Variants in STON2 observed in about 807,000 individuals in gnomAD.
STON2 encodes stonin-2.
In STON2, 29 loss-of-function variants were observed where a neutral mutation model predicts 65.7. That is an observed-to-expected ratio of 0.44 (90% CI 0.33 to 0.60). The LOEUF is 0.60. Ranked by LOEUF, STON2 falls within the 20% of genes least tolerant of loss-of-function variation. The pLI is 0.03. For synonymous variants in STON2, 404 were observed against 414.2 expected (o/e 0.98, Z 0.30); for missense variants, 1,054 against 1,118.1 (o/e 0.94, Z 0.82).
chr14:81,399,844 T>A (rs1485502021), intron 1 of STON2, among the ~76,000 whole-genome samples: 3 of 151,952 alleles, frequency 2.0e-5, no homozygotes, highest in Non-Finnish European at 4.4e-5. Flanking sequence ...AGTGGAAGAG[T>A]TTACAAATCT....
intron 2 of STON2, among the ~76,000 whole-genome samples, chr14:81,407,357 G>T (rs1016780679): frequency 1.3e-5 from 2 of 152,090 alleles, no homozygotes; most frequent in African/African-American, 4.8e-5. Context: ...TAAAAGGAAG[G>T]TTTCACTCAG....
intron 5 of STON2, among the ~76,000 whole-genome samples, chr14:81,286,694 T>G (rs1895346402): frequency 6.6e-6 from 1 of 152,244 alleles, no homozygotes; most frequent in Non-Finnish European, 1.5e-5. Flanking sequence ...TACTTAAAAC[T>G]GTACAACCAG....
intron 4 of STON2, among the ~76,000 whole-genome samples, chr14:81,349,568 G>A (rs1897946128): frequency 6.6e-6 from 1 of 151,950 alleles, no homozygotes; most frequent in South Asian, 2.1e-4. Flanking sequence ...GATACTATCA[G>A]GAATACAAAA....
intron 4 of STON2, among the ~76,000 whole-genome samples, chr14:81,340,079 G>C (rs550456336): frequency 3.3e-5 from 5 of 152,160 alleles, no homozygotes; most frequent in African/African-American, 1.2e-4. Flanking sequence ...GCATAAACCC[G>C]GGGGATGGAG....
chr14:81,285,444 G>A (rs910751083), intron 5 of STON2, among the ~76,000 whole-genome samples: 1 of 152,212 alleles, frequency 6.6e-6, no homozygotes, highest in South Asian at 2.1e-4. Flanking sequence ...CTGAAGATAT[G>A]ACTGAATTGC....
intron 5 of STON2, 120 bp from the exon 6 acceptor site, chr14:81,278,859 G>T: frequency 1.3e-6 from 1 of 753,674 alleles, no homozygotes; most frequent in Non-Finnish European, 2.0e-6. Context: ...TTCCAAAGCA[G>T]CTCATTATCT....
At chr14:81,408,865 AG>A in intron 2 of STON2, among the ~76,000 whole-genome samples, 1 of 152,370 alleles carries the variant, frequency 6.6e-6, no homozygotes, top group Non-Finnish European at 1.5e-5. Context: ...TGGCTCTGGT[AG>A]GAGGTCAGGC....
chr14:81,340,189 C>T (rs1897547970), intron 4 of STON2, among the ~76,000 whole-genome samples: 1 of 152,036 alleles, frequency 6.6e-6, no homozygotes, highest in African/African-American at 2.4e-5. Context: ...TAAAAGAAGC[C>T]AGGCAAATTA....
intron 5 of STON2, among the ~76,000 whole-genome samples, chr14:81,305,466 T>G (rs6574640): frequency 0.79 from 119,720 of 152,064 alleles, 47,271 homozygotes; most frequent in African/African-American, 0.8. Flanking sequence ...ACACTGAAGG[T>G]GTATACCTTT....
At chr14:81,333,841 A>T (rs1468570766) in intron 4 of STON2, among the ~76,000 whole-genome samples, 1 of 152,250 alleles carries the variant, frequency 6.6e-6, no homozygotes, top group East Asian at 1.9e-4. Flanking sequence ...TTAGTGTGCC[A>T]TTTAAGAAGC....
intron 4 of STON2, among the ~76,000 whole-genome samples, chr14:81,342,500 A>G (rs934696596): frequency 3.9e-5 from 6 of 152,158 alleles, no homozygotes; most frequent in Non-Finnish European, 8.8e-5. Context: ...GTGCAGGGCA[A>G]GGTAGCCCCT....
intron 3 of STON2, among the ~76,000 whole-genome samples, chr14:81,390,223 CAGAA>C (rs1900014955): frequency 6.7e-6 from 1 of 149,374 alleles, no homozygotes; most frequent in Admixed American, 6.7e-5. Context: ...AACTTAAAAA[CAGAA>C]AGACAAGTAG....
chr14:81,331,351 T>A (rs1226676746), intron 4 of STON2, among the ~76,000 whole-genome samples: 1 of 152,204 alleles, frequency 6.6e-6, no homozygotes, highest in Non-Finnish European at 1.5e-5. Flanking sequence ...ATTTGCTCTT[T>A]TAATTATTCC....
rs760079650 is a variant in STON2, at chr14:81,270,629, A to G, written c.2784+41T>C. On this transcript the variant is annotated intron_variant, in intron 7 of 7. Transcript: ENST00000614646. ...GAGGGGGAGGGTAGTGGGGTGAACAAATGGAGTTGGAAGCATTAGCCAGAT... is the reference window on the plus strand; with the variant it reads ...GAGGGGGAGGGTAGTGGGGTGAACAGATGGAGTTGGAAGCATTAGCCAGAT... 1.9e-6 allele frequency: 3 copies of G among 1,614,118 alleles called. No individual in the cohort carries two copies. In the South Asian group the frequency reaches 3.3e-5, roughly 18 times the overall value.
intron 7 of STON2, chr14:81,269,839 C>T (rs1350152627): frequency 1.0e-6 from 1 of 985,264 alleles, no homozygotes; most frequent in African/African-American, 1.7e-5. Flanking sequence ...TCAGAAAACT[C>T]CAACTTTTAT....
At chr14:81,291,043 A>G (rs1032041035) in intron 5 of STON2, among the ~76,000 whole-genome samples, 3 of 152,170 alleles carry the variant, frequency 2.0e-5, no homozygotes, top group African/African-American at 7.2e-5. Context: ...ACAGGATAGG[A>G]GGAAGTAGGG....
In STON2 at chr14:81,368,976, T is replaced by C. The variant is rs193065552; in HGVS notation, c.571+2012A>G. 3.0e-4 allele frequency among the ~76,000 whole-genome samples: 45 copies of C among 152,282 alleles called. 1 individual carries two copies. The highest frequency in any genetic ancestry group is 1.0e-3 in the African/African-American group (42 of 41,568). ...TATCTGCTCTGGCGACTGACCTCTG[T>C]GGGCTGCTTCCCCAGGGCTTCATGT... On this transcript the variant is annotated intron_variant, in intron 4 of 7. Coordinates refer to ENST00000614646, the MANE Select transcript of STON2 (RefSeq NM_001394390.1).
At chr14:81,423,699 C>T (rs1420255770) in intron 2 of STON2, among the ~76,000 whole-genome samples, 1 of 152,188 alleles carries the variant, frequency 6.6e-6, no homozygotes, top group African/African-American at 2.4e-5. Context: ...AAAACACAGG[C>T]TGCTGCAGTG....
intron 3 of STON2, among the ~76,000 whole-genome samples, chr14:81,378,692 C>T (rs915776756): frequency 6.6e-5 from 10 of 152,188 alleles, no homozygotes; most frequent in Admixed American, 6.5e-4. Flanking sequence ...CTGTATACAA[C>T]AAAAATTACA....
Sources: allele counts gnomAD v4.1 joint callset (sites outside exome capture counted in the v4.1 genomes callset), GRCh38; gene constraint gnomAD v4.1.1; transcripts MANE v1.5; gene names NCBI Gene and HGNC (gene_info 2026-07-23, HGNC 2026-07-21).